ADCK1: variants seen among roughly 807,000 people sequenced by gnomAD.
The protein encoded by ADCK1 is aarF domain-containing protein kinase 1.
Under a neutral mutation model 52.3 loss-of-function variants are expected in ADCK1, and 41 were observed. The observed-to-expected ratio is 0.78, with a 90% CI of 0.61 to 1.02. ADCK1 has a LOEUF of 1.02. ADCK1 is among the 50% of genes least tolerant of loss of function. ADCK1 has a pLI of 0.00. For missense variants in ADCK1, 658 were observed against 679.5 expected, an observed-to-expected ratio of 0.97 and a Z score of 0.35; for synonymous variants, 250 against 274.6, an observed-to-expected ratio of 0.91 and a Z score of 0.89.
At chr14:77,928,642 A>G (rs1740624329) in intron 9 of ADCK1, among the ~76,000 whole-genome samples, 1 of 152,012 alleles carries the variant, frequency 6.6e-6, no homozygotes, top group South Asian at 2.1e-4. Context: ...TTGTATATTT[A>G]GTAGAGATGG....
At chr14:77,866,506 G>A (rs1566681764) in intron 4 of ADCK1, among the ~76,000 whole-genome samples, 1 of 152,158 alleles carries the variant, frequency 6.6e-6, no homozygotes, top group Admixed American at 6.5e-5. Context: ...GGTTACCTGG[G>A]GGGCAGCTCA....
intron 3 of ADCK1, among the ~76,000 whole-genome samples, chr14:77,839,982 T>A (rs1328615901): frequency 2.1e-5 from 3 of 145,830 alleles, no homozygotes; most frequent in African/African-American, 5.1e-5. Flanking sequence ...GCTGGGGTAC[T>A]CGGGGCAGGG....
At chr14:77,881,284 A>G (rs2083016565) in intron 4 of ADCK1, among the ~76,000 whole-genome samples, 1 of 152,214 alleles carries the variant, frequency 6.6e-6, no homozygotes, top group Non-Finnish European at 1.5e-5. Flanking sequence ...TCCTTGCCAC[A>G]TGGACCCCTC....
At position 77,800,118 on chromosome 14, in the gene ADCK1, C is replaced by A. The variant is rs2081075447; in HGVS notation, c.-64C>A. The A allele has an allele frequency of 6.6e-6, 1 of 152,280 alleles. No individual in the cohort carries two copies. Among genetic ancestry groups the A allele is most frequent in the Non-Finnish European group, 1.5e-5 (1 of 68,072 alleles). 9.4% of individuals were successfully genotyped at this position (152,280 alleles called of 1,614,324 possible). A position where few individuals can be genotyped will look rare whatever the true frequency, so the allele number is the denominator to read the frequency against. Reference sequence around the variant, plus strand: ...CCCCGCACGGTTCCCAGCTAATTCCCCGCTACCGGGTTGCGGCCGGAAGCC... The same window carrying A: ...CCCCGCACGGTTCCCAGCTAATTCCACGCTACCGGGTTGCGGCCGGAAGCC... On this transcript the variant is annotated 5_prime_UTR_variant, in exon 1 of 11. Transcript: ENST00000238561.
rs567068462 is a variant in ADCK1, at chr14:77,871,847, C to T, written c.423+12568C>T. ...GAGAGTAAGTACTGTTTTTATTATT[C>T]CTATTTCACAGAGGTGCAAACTGAG... On this transcript the variant is annotated intron_variant, in intron 4 of 10. Transcript: ENST00000238561. 2.0e-5 allele frequency among the ~76,000 whole-genome samples: 3 copies of T among 152,290 alleles called. No homozygotes were observed. The South Asian group carries it at 6.2e-4, about 32-fold the overall frequency.
intron 3 of ADCK1, among the ~76,000 whole-genome samples, chr14:77,827,446 C>T (rs1247001118): frequency 1.1e-5 from 1 of 89,194 alleles, no homozygotes; most frequent in East Asian, 2.5e-4. Flanking sequence ...GTTATAGCTA[C>T]CAGGAAATTC....
intron 1 of ADCK1, among the ~76,000 whole-genome samples, chr14:77,817,840 A>G (rs919328938): frequency 6.6e-6 from 1 of 150,630 alleles, no homozygotes; most frequent in Non-Finnish European, 1.5e-5. Context: ...GGTTCACGCC[A>G]TTCTCCTGCC....
chr14:77,835,391 C>T (rs1226381097), intron 3 of ADCK1, among the ~76,000 whole-genome samples: 3 of 152,172 alleles, frequency 2.0e-5, no homozygotes, highest in South Asian at 2.1e-4. Flanking sequence ...TTCTGTATAA[C>T]CAGAATTAAG....
chr14:77,866,090 G>A (rs1286766957), intron 4 of ADCK1, among the ~76,000 whole-genome samples: 1 of 152,138 alleles, frequency 6.6e-6, no homozygotes, highest in African/African-American at 2.4e-5. Flanking sequence ...TTGTTGCTGT[G>A]TGAACATCAT....
intron 2 of ADCK1, among the ~76,000 whole-genome samples, chr14:77,820,369 T>C (rs2081554065): frequency 6.6e-6 from 1 of 151,860 alleles, no homozygotes; most frequent in Admixed American, 6.6e-5. Context: ...CTTGCTCTGT[T>C]GTCCAGGCTG....
chr14:77,908,917 G>T (rs1329328033), intron 7 of ADCK1, among the ~76,000 whole-genome samples: 1 of 152,096 alleles, frequency 6.6e-6, no homozygotes, highest in Non-Finnish European at 1.5e-5. Flanking sequence ...AGTTTTCCAG[G>T]GAGTGGCTTT....
At chr14:77,931,453 C>A in intron 9 of ADCK1, 65 bp from the exon 10 acceptor site, 1 of 1,525,038 alleles carries the variant, frequency 6.6e-7, no homozygotes, top group Non-Finnish European at 8.9e-7. Flanking sequence ...CTGCCAGACC[C>A]CTGCCACCCC....
At chr14:77,843,719 T>C (rs741573) in intron 3 of ADCK1, among the ~76,000 whole-genome samples, 55,445 of 152,106 alleles carry the variant, frequency 0.36, 11,255 homozygotes, top group Admixed American at 0.5. Context: ...TCAGGGATGC[T>C]GGAACAACTT....
chr14:77,916,777 C>G (rs1008420748), intron 7 of ADCK1, among the ~76,000 whole-genome samples: 1 of 152,220 alleles, frequency 6.6e-6, no homozygotes, highest in Non-Finnish European at 1.5e-5. Context: ...GTTCCCAGCA[C>G]CTTTGCGCTT....
At chr14:77,827,350 C>CAAAAAA (rs772586548) in intron 3 of ADCK1, among the ~76,000 whole-genome samples, 1 of 72,058 alleles carries the variant, frequency 1.4e-5, no homozygotes, top group Non-Finnish European at 2.9e-5. Flanking sequence ...GACTCTGTCT[C>CAAAAAA]AAAAAAAAAA....
At chr14:77,900,562 G>A in intron 6 of ADCK1, 1 of 455,556 alleles carries the variant, frequency 2.2e-6, no homozygotes, top group Non-Finnish European at 4.4e-6. Context: ...ATTGCAGCCT[G>A]GGCAACAGAG....
chr14:77,878,619 C>T (rs909049356), intron 4 of ADCK1, among the ~76,000 whole-genome samples: 2 of 152,192 alleles, frequency 1.3e-5, no homozygotes, highest in Non-Finnish European at 2.9e-5. Context: ...CTCATTGCCT[C>T]AGTACTTGGA....
chr14:77,819,737 A>G (rs1175115705), intron 2 of ADCK1, among the ~76,000 whole-genome samples: 1 of 152,230 alleles, frequency 6.6e-6, no homozygotes, highest in Non-Finnish European at 1.5e-5. Flanking sequence ...TCTCCCAGAC[A>G]TTCCTATAGA....
At chr14:77,911,491 T>C (rs1271044061) in intron 7 of ADCK1, among the ~76,000 whole-genome samples, 2 of 152,186 alleles carry the variant, frequency 1.3e-5, no homozygotes, top group Non-Finnish European at 2.9e-5. Context: ...ACCAAGGCAG[T>C]GTCTGAATGT....
Sources: gnomAD v4.1 joint callset for allele counts (sites outside exome capture counted in the v4.1 genomes callset) on GRCh38, gnomAD v4.1.1 for gene constraint, MANE v1.5 for transcripts, NCBI Gene and HGNC (gene_info 2026-07-23, HGNC 2026-07-21) for gene names.